Variants in RBAK observed in about 807,000 individuals in gnomAD.
The protein encoded by RBAK is RB-associated KRAB zinc finger protein.
RBAK carries 39 observed loss-of-function variants against 65.8 expected under a neutral mutation model. The observed-to-expected ratio is 0.59, with a 90% CI of 0.46 to 0.77. The LOEUF (loss-of-function observed/expected upper bound fraction) is 0.77. RBAK is among the 30% of genes least tolerant of loss of function. The pLI is 0.00. For missense variants in RBAK, 884 were observed against 855.1 expected (o/e 1.03, Z -0.42); for synonymous variants, 343 against 289.7 (o/e 1.18, Z -1.87).
Position 5,048,128 on chromosome 7 carries a change from T to C in RBAK, c.15+37T>C. ...TGCTTGTGTATATGTTCCTCAACTT[T>C]ATTTTATGATGCATTTTAAGAGGTT... On this transcript the variant is annotated intron_variant, in intron 2 of 4. Transcript: ENST00000396912. This position sits in a 1 kb window ranked among gnomAD's most constrained non-coding sequence, Gnocchi z 4.4. The C allele has an allele frequency of 1.9e-6, 3 of 1,580,094 alleles. No homozygotes were observed. The highest frequency in any genetic ancestry group is 2.6e-6 in the Non-Finnish European group (3 of 1,168,626).
chr7:5,064,790 C>G lies in RBAK; in HGVS notation c.1334C>G (p.Thr445Ser), dbSNP rs759681284. 1 of 1,614,052 alleles carries G rather than the reference C, an allele frequency of 6.2e-7. No homozygotes were observed. The highest frequency in any genetic ancestry group is 1.7e-5 in the Admixed American group (1 of 60,020). ...TTCTTTTCTCGGGTGTCATACCTCA[C>G]TATACATTATAGAAGTCATTTAGAA... ...GKFFSRVSYL[T>S]IHYRSHLEEK... Residue 445 changes from threonine to serine, a missense_variant, in exon 5 of 5, where the codon ACT becomes AGT. Thr to Ser is a moderately conservative substitution (Grantham distance 58). Transcript: ENST00000396912. This position sits in a 1 kb window ranked among gnomAD's most constrained non-coding sequence, Gnocchi z 6.3.
In RBAK at chr7:5,065,480, G is replaced by T. The variant is rs746591154; in HGVS notation, c.2024G>T (p.Gly675Val). 1 of 1,605,338 alleles carries T rather than the reference G, an allele frequency of 6.2e-7. No homozygotes were observed. Among genetic ancestry groups the T allele is most frequent in the African/African-American group, 1.3e-5 (1 of 74,590 alleles). Residue 675 changes from glycine (G) to valine (V), a missense_variant, in exon 5 of 5, where the codon GGA becomes GTA. Transcript: ENST00000396912. This position sits in a 1 kb window ranked among gnomAD's most constrained non-coding sequence, Gnocchi z 5.3. ...YLTVHYRTHSGEKPYECNECG... is the reference protein window; with the variant it reads ...YLTVHYRTHSVEKPYECNECG... ...ACTGTACACTATAGAACTCATTCAGGAGAGAAACCCTATGAATGTAACGAG... is the reference window on the plus strand; with the variant it reads ...ACTGTACACTATAGAACTCATTCAGTAGAGAAACCCTATGAATGTAACGAG...
intron 2 of RBAK, among the ~76,000 whole-genome samples, chr7:5,053,433 G>A (rs529143216): frequency 1.3e-5 from 2 of 151,842 alleles, no homozygotes; most frequent in South Asian, 4.2e-4. Context: ...CTAGTTTTGG[G>A]TAATTTGATT....
At chr7:5,056,409 T>C (rs1034710550) in intron 2 of RBAK, among the ~76,000 whole-genome samples, 3 of 152,056 alleles carry the variant, frequency 2.0e-5, no homozygotes, top group African/African-American at 7.2e-5. Context: ...TGAGCCACCA[T>C]GCCCAGCCCC....
At position 5,046,387 on chromosome 7, in the gene RBAK, C is replaced by A. The variant is rs370531898; in HGVS notation, c.-54C>A. On this transcript the variant is annotated 5_prime_UTR_variant, in exon 1 of 5. Transcript: ENST00000396912. ...GAGCCGTGGGGCAGAGGCTGCGGAG[C>A]CCCAGAAGGGTAGGTCTTGGGTTTT... 151 of 515,686 alleles carry A rather than the reference C, an allele frequency of 2.9e-4. No individual in the cohort carries two copies. Among genetic ancestry groups the A allele is most frequent in the African/African-American group, 2.2e-3 (112 of 51,962 alleles). 31.9% of individuals were successfully genotyped at this position (515,686 alleles called of 1,614,324 possible). A position where few individuals can be genotyped will look rare whatever the true frequency, so the allele number is the denominator to read the frequency against.
chr7:5,069,412 C>G lies in RBAK; in HGVS notation c.*3811C>G, dbSNP rs752495733. On this transcript the variant is annotated 3_prime_UTR_variant, in exon 5 of 5. Coordinates refer to ENST00000396912, the MANE Select transcript of RBAK (RefSeq NM_021163.4). ...TCATTACATACTTTGTCATCCTATA[C>G]TTTTGCATATATAAATAGGTCTGAG... 3 of 152,174 alleles carry G rather than the reference C, an allele frequency of 2.0e-5. No homozygotes were observed. Among genetic ancestry groups the G allele is most frequent in the Non-Finnish European group, 4.4e-5 (3 of 68,038 alleles). The allele number at this position is 152,174 out of a possible 1,614,324, so 9.4% of individuals were successfully genotyped here.
At chr7:5,051,136 T>C (rs1788107030) in intron 2 of RBAK, among the ~76,000 whole-genome samples, 1 of 152,204 alleles carries the variant, frequency 6.6e-6, no homozygotes, top group African/African-American at 2.4e-5. Context: ...ATATTTGATA[T>C]ATTTGATAGC....
chr7:5,065,077 T>C lies in RBAK; in HGVS notation c.1621T>C (p.Cys541Arg), dbSNP rs543771074. The C allele has an allele frequency of 6.2e-7, 1 of 1,613,976 alleles. No homozygotes were observed. The highest frequency in any genetic ancestry group is 1.1e-5 in the South Asian group (1 of 91,060). ...TCCAAAAGGGGAGAAATCCTATGAA[T>C]GTAATGTATGTGGAAAGTTATTCAA... ...PLPKGEKSYE[C>R]NVCGKLFNEL... Residue 541 changes from cysteine to arginine, a missense_variant, in exon 5 of 5, where the codon TGT (cysteine) becomes CGT (arginine). Coordinates refer to ENST00000396912, the MANE Select transcript of RBAK (RefSeq NM_021163.4). The surrounding 1 kb of genome is among the most constrained non-coding windows in gnomAD (Gnocchi z 5.3).
At position 5,067,753 on chromosome 7, in the gene RBAK, A is replaced by G. The variant is rs1779255080; in HGVS notation, c.*2152A>G. 1 of 152,244 alleles carries G rather than the reference A, an allele frequency of 6.6e-6. No individual in the cohort carries two copies. Among genetic ancestry groups the G allele is most frequent in the African/African-American group, 2.4e-5 (1 of 41,470 alleles). The allele number at this position is 152,244 out of a possible 1,614,324, so 9.4% of individuals were successfully genotyped here. A position where few individuals can be genotyped will look rare whatever the true frequency, so the allele number is the denominator to read the frequency against. ...TGAAAAAACTGACTAGTGGAACAGC[A>G]TACAGATTCAAAAGTAGACCCACGT... On this transcript the variant is annotated 3_prime_UTR_variant, in exon 5 of 5. Coordinates refer to ENST00000396912, the MANE Select transcript of RBAK (RefSeq NM_021163.4).
At position 5,064,206 on chromosome 7, in the gene RBAK, A is replaced by G. The variant is rs1406642796; in HGVS notation, c.750A>G (p.Ala250=). 1.9e-6 allele frequency: 3 copies of G among 1,614,048 alleles called. No homozygotes were observed. Among genetic ancestry groups the G allele is most frequent in the Non-Finnish European group, 2.5e-6 (3 of 1,179,992 alleles). Residue 250 remains alanine (A), a synonymous_variant, in exon 5 of 5, where the codon GCA becomes GCG. Transcript: ENST00000396912. The surrounding 1 kb of genome is among the most constrained non-coding windows in gnomAD (Gnocchi z 6.3). ...PDFIQMSNFN[A]YQRSQMEMKP... is the part of the protein sequence containing the mutation. ...TCATACAGATGTCAAATTTTAATGC[A>G]TATCAGAGATCACAAATGGAAATGA...
chr7:5,059,223 A>G (rs1310851980), intron 4 of RBAK, among the ~76,000 whole-genome samples: 1 of 152,080 alleles, frequency 6.6e-6, no homozygotes, highest in Non-Finnish European at 1.5e-5. Context: ...CTTCCATTCA[A>G]ATGATCATTG....
At chr7:5,063,477 C>T (rs970784953) in intron 4 of RBAK, among the ~76,000 whole-genome samples, 1 of 147,196 alleles carries the variant, frequency 6.8e-6, no homozygotes. Context: ...AATTCTTTCA[C>T]TGTGTGTGTG....
chr7:5,065,612 C>G lies in RBAK; in HGVS notation c.*11C>G. 1 of 1,477,364 alleles carries G rather than the reference C, an allele frequency of 6.8e-7. No individual in the cohort carries two copies. Among genetic ancestry groups the G allele is most frequent in the Non-Finnish European group, 9.0e-7 (1 of 1,107,362 alleles). 91.5% of individuals were successfully genotyped at this position (1,477,364 alleles called of 1,614,324 possible). A position where few individuals can be genotyped will look rare whatever the true frequency, so the allele number is the denominator to read the frequency against. ...GTGGAAAATCTCTGAAGTCAGATCT[C>G]AATTTTTAGAAAACTCTCTGAATAT... On this transcript the variant is annotated 3_prime_UTR_variant, in exon 5 of 5. Transcript: ENST00000396912. This position sits in a 1 kb window ranked among gnomAD's most constrained non-coding sequence, Gnocchi z 5.3.
intron 4 of RBAK, among the ~76,000 whole-genome samples, chr7:5,059,166 A>G (rs1779007649): frequency 6.6e-6 from 1 of 152,106 alleles, no homozygotes; most frequent in African/African-American, 2.4e-5. Context: ...GTTTCTTTCG[A>G]CATTCGTGTT....
At chr7:5,061,193 A>C (rs532790993) in intron 4 of RBAK, among the ~76,000 whole-genome samples, 3 of 152,234 alleles carry the variant, frequency 2.0e-5, no homozygotes, top group African/African-American at 4.8e-5. Context: ...CAACCCTATG[A>C]TTTAGGCACT....
chr7:5,057,896 C>T, intron 4 of RBAK, 117 bp downstream of exon 4: 1 of 1,010,058 alleles, frequency 9.9e-7, no homozygotes, highest in Non-Finnish European at 1.5e-6. Flanking sequence ...CCCCAAATAT[C>T]ACTTTCCTTC....
rs936124952 is a variant in RBAK, at chr7:5,068,362, G to A, written c.*2761G>A. The A allele has an allele frequency of 1.3e-5, 2 of 152,150 alleles. No homozygotes were observed. The highest frequency in any genetic ancestry group is 2.4e-5 in the African/African-American group (1 of 41,432). 9.4% of individuals were successfully genotyped at this position (152,150 alleles called of 1,614,324 possible). ...TTTTCTGGTCCCTGATCTCGAATAT[G>A]TAAAGAGCACCTACAAATCAACAAG... On this transcript the variant is annotated 3_prime_UTR_variant, in exon 5 of 5. Transcript: ENST00000396912.
chr7:5,049,477 G>A (rs983299985), intron 2 of RBAK, among the ~76,000 whole-genome samples: 1 of 152,130 alleles, frequency 6.6e-6, no homozygotes, highest in African/African-American at 2.4e-5. Flanking sequence ...CAGTGTTTTA[G>A]TTTTGTCCTT....
In RBAK at chr7:5,046,645, C is replaced by A. The variant is rs1583450011; in HGVS notation, c.-45+249C>A. 1.2e-4 allele frequency among the ~76,000 whole-genome samples: 19 copies of A among 152,336 alleles called. No homozygotes were observed. The South Asian group carries it at 3.7e-3, about 30-fold the overall frequency. On this transcript the variant is annotated intron_variant, in intron 1 of 4. Coordinates refer to ENST00000396912, the MANE Select transcript of RBAK (RefSeq NM_021163.4). ...GGACGTCGTCTCCACTCCCCGCTAA[C>A]CCCTAACAGCCCTTCCTCCTCCTTT...
Sources: gnomAD v4.1 joint callset for allele counts (sites outside exome capture counted in the v4.1 genomes callset) on GRCh38, gnomAD v4.1.1 for gene constraint, Gnocchi (gnomAD v3.1) non-coding constraint, MANE v1.5 for transcripts, NCBI Gene and HGNC (gene_info 2026-07-23, HGNC 2026-07-21) for gene names.